Variants in ADAMTS18 observed in about 807,000 individuals in gnomAD.
ADAMTS18 encodes A disintegrin and metalloproteinase with thrombospondin motifs 18.
In ADAMTS18, 157 loss-of-function variants were observed where a neutral mutation model predicts 165.9. That is an observed-to-expected ratio of 0.95 (90% CI 0.83 to 1.08). The LOEUF (loss-of-function observed/expected upper bound fraction) is 1.08, where lower values mean the gene tolerates loss of function less well. Among genes scored for constraint, ADAMTS18 ranks in the 50% least tolerant of loss-of-function variants. The pLI, the probability that ADAMTS18 is intolerant of heterozygous loss-of-function variation, is 0.00. For synonymous variants in ADAMTS18, 782 were observed against 578.2 expected (o/e 1.35, Z -5.06); for missense variants, 2,040 against 1,534.0 (o/e 1.33, Z -5.51).
At chr16:77,400,476 GTGTGTTTTGTTTTT>G (rs1567541742) in intron 3 of ADAMTS18, among the ~76,000 whole-genome samples, 2 of 120,242 alleles carry the variant, frequency 1.7e-5, no homozygotes, top group African/African-American at 5.8e-5. Flanking sequence ...GTGTGTGTGT[GTGTGTTTTGTTTTT>G]TTTTTTTTTG....
intron 16 of ADAMTS18, among the ~76,000 whole-genome samples, chr16:77,303,632 TAA>T (rs36114579): frequency 1.3e-4 from 20 of 150,820 alleles, no homozygotes; most frequent in Middle Eastern, 6.8e-3. Flanking sequence ...GTCAAGACAA[TAA>T]AAAAAAAAAT....
At chr16:77,352,131 A>C (rs1330997004) in intron 10 of ADAMTS18, among the ~76,000 whole-genome samples, 1 of 152,176 alleles carries the variant, frequency 6.6e-6, no homozygotes, top group Non-Finnish European at 1.5e-5. Flanking sequence ...ACATCCGGAA[A>C]ATTTTTTAAT....
intron 22 of ADAMTS18, among the ~76,000 whole-genome samples, chr16:77,288,007 C>G (rs765573399): frequency 3.9e-5 from 6 of 152,110 alleles, no homozygotes; most frequent in East Asian, 1.9e-4. Flanking sequence ...TGAACAAGAT[C>G]GAGGACCTCA....
intron 3 of ADAMTS18, among the ~76,000 whole-genome samples, chr16:77,424,341 G>A (rs2057643828): frequency 6.6e-6 from 1 of 152,160 alleles, no homozygotes; most frequent in Non-Finnish European, 1.5e-5. Context: ...GGCAGTGCAT[G>A]CCTGTAATCC....
At chr16:77,382,014 T>C (rs1469914249) in intron 3 of ADAMTS18, among the ~76,000 whole-genome samples, 2 of 152,132 alleles carry the variant, frequency 1.3e-5, no homozygotes, top group African/African-American at 4.8e-5. Flanking sequence ...ATTCTCTCTT[T>C]TGTGGGGTAT....
Position 77,283,945 on chromosome 16 carries a change from G to A in ADAMTS18, c.*11C>T, listed in dbSNP as rs1167657726. On this transcript the variant is annotated 3_prime_UTR_variant, in exon 23 of 23. Coordinates refer to ENST00000282849, the MANE Select transcript of ADAMTS18 (RefSeq NM_199355.4). ...GCCCCTGGCCCTAAGGTGCTGGGGA[G>A]GACACCAAGATCAGATCTTCCTTGT... The A allele has an allele frequency of 1.2e-6, 2 of 1,606,902 alleles. No homozygotes were observed. Among genetic ancestry groups the A allele is most frequent in the Non-Finnish European group, 8.5e-7 (1 of 1,173,678 alleles).
At chr16:77,322,244 A>C in intron 14 of ADAMTS18, 92 bp downstream of exon 14, 1 of 1,521,304 alleles carries the variant, frequency 6.6e-7, no homozygotes, top group Non-Finnish European at 9.1e-7. Context: ...TCTTCTCCAG[A>C]CACACAATCT....
chr16:77,319,822 A>C, intron 16 of ADAMTS18, 27 bp downstream of exon 16: 1 of 1,613,902 alleles, frequency 6.2e-7, no homozygotes, highest in Non-Finnish European at 8.5e-7. Context: ...AGAAGCACTG[A>C]GAACTGAATA....
intron 16 of ADAMTS18, among the ~76,000 whole-genome samples, chr16:77,319,200 T>C (rs1334241982): frequency 6.6e-6 from 1 of 152,192 alleles, no homozygotes. Flanking sequence ...TGACCTATGT[T>C]ATGAATAGCT....
At chr16:77,334,514 T>C (rs1207343309) in intron 12 of ADAMTS18, among the ~76,000 whole-genome samples, 55 of 112,506 alleles carry the variant, frequency 4.9e-4, no homozygotes, top group Admixed American at 8.8e-4. Context: ...TATATTATAG[T>C]ATATATTATA....
intron 10 of ADAMTS18, among the ~76,000 whole-genome samples, chr16:77,347,951 G>A (rs958204615): frequency 2.0e-5 from 3 of 152,092 alleles, no homozygotes; most frequent in Admixed American, 1.3e-4. Flanking sequence ...AGATATGGAA[G>A]TATTAATATG....
chr16:77,340,586 T>G (rs1431916307), intron 11 of ADAMTS18, among the ~76,000 whole-genome samples: 1 of 152,152 alleles, frequency 6.6e-6, no homozygotes, highest in East Asian at 1.9e-4. Context: ...ATGAAATAAC[T>G]TTTTCTTTTT....
chr16:77,370,816 C>T (rs140987823), intron 3 of ADAMTS18, among the ~76,000 whole-genome samples: 49 of 147,806 alleles, frequency 3.3e-4, no homozygotes, highest in Non-Finnish European at 5.9e-5. Flanking sequence ...TACATATACA[C>T]ACACACACAA....
At chr16:77,336,610 TAGCCC>T (rs1489780707) in intron 11 of ADAMTS18, among the ~76,000 whole-genome samples, 1 of 152,220 alleles carries the variant, frequency 6.6e-6, no homozygotes, top group Non-Finnish European at 1.5e-5. Flanking sequence ...TTTGATGAAT[TAGCCC>T]AGGGTCTTTC....
Position 77,285,445 on chromosome 16 carries a change from T to A in ADAMTS18, c.3551-1374A>T, listed in dbSNP as rs191581956. Among the ~76,000 whole-genome samples, 270 of 148,812 alleles carry A rather than the reference T, an allele frequency of 1.8e-3. 1 individual carries two copies. The highest frequency in any genetic ancestry group is 3.0e-3 in the Non-Finnish European group (202 of 67,774). ...GCCTCAGCCTCCCAAAGTGCTGGAA[T>A]TACAGGTGTGAGGCACACCCCCGGC... On this transcript the variant is annotated intron_variant, in intron 22 of 22. Transcript: ENST00000282849.
intron 10 of ADAMTS18, among the ~76,000 whole-genome samples, chr16:77,346,112 C>G (rs1023214430): frequency 6.6e-6 from 1 of 152,300 alleles, no homozygotes; most frequent in Admixed American, 6.5e-5. Flanking sequence ...TTACCTCCTT[C>G]AAGTCTTTGC....
At position 77,297,410 on chromosome 16, in the gene ADAMTS18, T is replaced by C; in HGVS notation, c.2680A>G (p.Ile894Val). Residue 894 changes from isoleucine (I) to valine (V), a missense_variant, in exon 18 of 23, where the codon ATA becomes GTA. By Grantham distance (29) the Ile-to-Val change is conservative. Coordinates refer to ENST00000282849, the MANE Select transcript of ADAMTS18 (RefSeq NM_199355.4). ...CGCAAGCAAATGGCCTTTACATTTA[T>C]GTAACCTGGTAAGACATCAGAAGTG... ...ECSVSCGGGY[I>V]NVKAICLRDQ... The C allele has an allele frequency of 6.2e-7, 1 of 1,612,442 alleles. No individual in the cohort carries two copies. The highest frequency in any genetic ancestry group is 8.5e-7 in the Non-Finnish European group (1 of 1,178,476).
At chr16:77,338,207 T>C (rs1397621945) in intron 11 of ADAMTS18, among the ~76,000 whole-genome samples, 2 of 151,740 alleles carry the variant, frequency 1.3e-5, no homozygotes, top group African/African-American at 4.8e-5. Context: ...CCTGGCTCCA[T>C]CTTTTCATAC....
intron 15 of ADAMTS18, among the ~76,000 whole-genome samples, chr16:77,320,460 G>GAA (rs1208183117): frequency 6.6e-6 from 1 of 152,086 alleles, no homozygotes; most frequent in Non-Finnish European, 1.5e-5. Flanking sequence ...CCAGTGTGGT[G>GAA]AAACCCTACC....
Sources: gnomAD v4.1 joint callset for allele counts (sites outside exome capture counted in the v4.1 genomes callset) on GRCh38, gnomAD v4.1.1 for gene constraint, MANE v1.5 for transcripts, NCBI Gene and HGNC (gene_info 2026-07-23, HGNC 2026-07-21) for gene names.